The following CTNNA3 variants were observed in gnomAD, a reference collection of about 807,000 sequenced individuals.
The protein encoded by CTNNA3 is catenin alpha-3.
Under a neutral mutation model 95.7 loss-of-function variants are expected in CTNNA3, and 76 were observed. That is an observed-to-expected ratio of 0.79 (90% CI 0.66 to 0.96). CTNNA3 has a LOEUF of 0.96. Among genes scored for constraint, CTNNA3 ranks in the 40% least tolerant of loss-of-function variants. The probability of loss-of-function intolerance (pLI) is 0.00; values close to 1 mark genes in which losing one functional copy is unlikely to be tolerated. For missense variants in CTNNA3, 1,191 were observed against 1,089.8 expected (o/e 1.09, Z -1.31); for synonymous variants, 431 against 374.4 (o/e 1.15, Z -1.74).
At chr10:67,101,886 T>C (rs1486315120) in intron 7 of CTNNA3, among the ~76,000 whole-genome samples, 3 of 151,770 alleles carry the variant, frequency 2.0e-5, no homozygotes, top group Non-Finnish European at 4.4e-5. Context: ...TGAAAACCAA[T>C]ACCTGATGTG....
At chr10:67,586,170 A>T (rs1842618871) in intron 3 of CTNNA3, among the ~76,000 whole-genome samples, 1 of 152,074 alleles carries the variant, frequency 6.6e-6, no homozygotes, top group South Asian at 2.1e-4. Context: ...GTTCTATTCC[A>T]CTATGGTCTG....
At chr10:67,740,287 C>A (rs1177627287) in intron 1 of CTNNA3, among the ~76,000 whole-genome samples, 3 of 152,058 alleles carry the variant, frequency 2.0e-5, no homozygotes, top group African/African-American at 4.8e-5. Context: ...GCAATGGCAA[C>A]AAAAGCCAAA....
At chr10:67,411,613 G>A (rs1032634255) in intron 5 of CTNNA3, among the ~76,000 whole-genome samples, 5 of 152,108 alleles carry the variant, frequency 3.3e-5, no homozygotes, top group Non-Finnish European at 7.4e-5. Context: ...CATGACAACT[G>A]TAGATCAATG....
intron 16 of CTNNA3, among the ~76,000 whole-genome samples, chr10:65,969,056 A>G (rs1329627927): frequency 6.6e-6 from 1 of 152,142 alleles, no homozygotes; most frequent in Non-Finnish European, 1.5e-5. Flanking sequence ...AGGATGAAGT[A>G]TACACCCATC....
intron 7 of CTNNA3, among the ~76,000 whole-genome samples, chr10:66,899,334 A>G (rs1489869330): frequency 6.6e-6 from 1 of 152,232 alleles, no homozygotes; most frequent in Non-Finnish European, 1.5e-5. Flanking sequence ...GAATTACCAC[A>G]TGACCAAGCA....
chr10:66,626,437 C>A (rs144363152), intron 9 of CTNNA3, among the ~76,000 whole-genome samples: 80 of 152,278 alleles, frequency 5.3e-4, no homozygotes, highest in African/African-American at 1.7e-3. Context: ...AGGTCACTGT[C>A]TCATTTTCAT....
At chr10:66,089,540 T>G (rs1206944712) in intron 14 of CTNNA3, among the ~76,000 whole-genome samples, 1 of 151,912 alleles carries the variant, frequency 6.6e-6, no homozygotes, top group Non-Finnish European at 1.5e-5. Flanking sequence ...CGCCTTTACC[T>G]TAGGTAACTT....
chr10:67,567,570 G>T (rs753541220), intron 3 of CTNNA3, among the ~76,000 whole-genome samples: 1 of 152,066 alleles, frequency 6.6e-6, no homozygotes, highest in Non-Finnish European at 1.5e-5. Context: ...AATTACAGGT[G>T]TACCCCATAT....
intron 9 of CTNNA3, among the ~76,000 whole-genome samples, chr10:66,723,562 T>A (rs1171918556): frequency 6.6e-6 from 1 of 152,184 alleles, no homozygotes; most frequent in Non-Finnish European, 1.5e-5. Flanking sequence ...TACTTGTTCT[T>A]GATAAAAATG....
At chr10:67,282,799 C>G (rs1201609297) in intron 5 of CTNNA3, among the ~76,000 whole-genome samples, 1 of 152,082 alleles carries the variant, frequency 6.6e-6, no homozygotes, top group Non-Finnish European at 1.5e-5. Flanking sequence ...AAGGCCTTAG[C>G]AGTAGCTCAA....
intron 2 of CTNNA3, 123 bp from the exon 3 acceptor site, chr10:67,607,172 C>G: frequency 1.5e-6 from 1 of 673,472 alleles, no homozygotes; most frequent in Admixed American, 3.0e-5. Flanking sequence ...GGGCTAGGGG[C>G]GCCAACCCAC....
chr10:65,985,560 A>G (rs962573242), intron 16 of CTNNA3, among the ~76,000 whole-genome samples: 1 of 151,468 alleles, frequency 6.6e-6, no homozygotes, highest in African/African-American at 2.4e-5. Flanking sequence ...TATCTTTAGT[A>G]TTCTACTAAA....
chr10:67,265,086 C>A (rs1866768576), intron 5 of CTNNA3, among the ~76,000 whole-genome samples: 1 of 152,086 alleles, frequency 6.6e-6, no homozygotes, highest in African/African-American at 2.4e-5. Context: ...CCTGGCAAAC[C>A]CTGTACACCA....
chr10:67,534,491 A>C (rs1840431456), intron 4 of CTNNA3, among the ~76,000 whole-genome samples: 1 of 152,178 alleles, frequency 6.6e-6, no homozygotes. Context: ...AAAATGTGGA[A>C]GGGCAATGAG....
chr10:67,637,078 G>T (rs541319992), intron 2 of CTNNA3, among the ~76,000 whole-genome samples: 1 of 152,172 alleles, frequency 6.6e-6, no homozygotes, highest in Non-Finnish European at 1.5e-5. Flanking sequence ...GCTAAAGGAG[G>T]AAGTTCGAAC....
intron 5 of CTNNA3, among the ~76,000 whole-genome samples, chr10:67,351,329 T>G (rs1031314391): frequency 6.6e-6 from 1 of 151,904 alleles, no homozygotes; most frequent in South Asian, 2.1e-4. Context: ...CTCATAGAAA[T>G]ATACACCAAA....
chr10:66,584,108 A>G (rs1328027525), intron 10 of CTNNA3, among the ~76,000 whole-genome samples: 2 of 151,926 alleles, frequency 1.3e-5, no homozygotes, highest in South Asian at 2.1e-4. Flanking sequence ...CATATAATCT[A>G]TCTTGGAGAA....
At chr10:66,382,383 A>T (rs1194804332) in intron 11 of CTNNA3, among the ~76,000 whole-genome samples, 1 of 152,064 alleles carries the variant, frequency 6.6e-6, no homozygotes, top group Non-Finnish European at 1.5e-5. Context: ...GGGGAAGGGG[A>T]ATCTGCCATT....
intron 13 of CTNNA3, among the ~76,000 whole-genome samples, chr10:66,181,391 A>G (rs1185799789): frequency 6.6e-6 from 1 of 152,188 alleles, no homozygotes; most frequent in Non-Finnish European, 1.5e-5. Context: ...ATACAAAAAC[A>G]TAACATTGTT....
Sources: allele counts gnomAD v4.1 joint callset (sites outside exome capture counted in the v4.1 genomes callset), GRCh38; gene constraint gnomAD v4.1.1; transcripts MANE v1.5; gene names NCBI Gene and HGNC (gene_info 2026-07-23, HGNC 2026-07-21).